CRTC1: variants seen among roughly 807,000 people sequenced by gnomAD.
CRTC1 encodes CREB regulated transcription coactivator 1.
In CRTC1, 18 loss-of-function variants were observed where a neutral mutation model predicts 66.1. The observed-to-expected ratio is 0.27, with a 90% CI of 0.19 to 0.40. CRTC1 has a LOEUF of 0.40. Among genes scored for constraint, CRTC1 ranks in the 10% least tolerant of loss-of-function variants. CRTC1 has a pLI of 1.00. For missense variants in CRTC1, 669 were observed against 887.9 expected (o/e 0.75, Z 3.13); for synonymous variants, 416 against 398.8 (o/e 1.04, Z -0.51).
chr19:18,685,687 A>T (rs1308538006), intron 1 of CRTC1, among the ~76,000 whole-genome samples: 1 of 152,116 alleles, frequency 6.6e-6, no homozygotes, highest in Non-Finnish European at 1.5e-5. Flanking sequence ...AAAGTGTGCA[A>T]CTTGAGCATC....
chr19:18,744,164 G>GC, intron 2 of CRTC1: 1 of 1,610,852 alleles, frequency 6.2e-7, no homozygotes, highest in Non-Finnish European at 8.5e-7. Flanking sequence ...TGGTAAATGA[G>GC]CCCCCAGGCT....
In CRTC1 at chr19:18,768,760, T is replaced by C; in HGVS notation, c.1287T>C (p.Pro429=). ...SSLPQSPPEN[P]GQPSMGIDIA... ...TCCCCCAGTCCCCCCCAGAGAACCC[T>C]GGCCAGCCATCGATGGGGATCGACA... Residue 429 remains proline (P), a synonymous_variant, in exon 10 of 14, where the codon CCT becomes CCC. Coordinates refer to ENST00000321949, the MANE Select transcript of CRTC1 (RefSeq NM_015321.3). This position sits in a 1 kb window ranked among gnomAD's most constrained non-coding sequence, Gnocchi z 5.6. 1.2e-6 allele frequency: 2 copies of C among 1,602,480 alleles called. No individual in the cohort carries two copies. The highest frequency in any genetic ancestry group is 1.8e-4 in the Middle Eastern group (1 of 5,602).
At chr19:18,727,511 G>T (rs1468457066) in intron 1 of CRTC1, among the ~76,000 whole-genome samples, 2 of 135,794 alleles carry the variant, frequency 1.5e-5, no homozygotes, top group African/African-American at 5.6e-5. Flanking sequence ...AACCTGGGAG[G>T]TGGAGGTTGC....
rs1367653544 is a variant in CRTC1 at position 18,768,665 on chromosome 19, C to T, written c.1192C>T (p.Leu398=). 1.9e-6 allele frequency: 3 copies of T among 1,550,802 alleles called. No homozygotes were observed. Among genetic ancestry groups the T allele is most frequent in the South Asian group, 2.4e-5 (2 of 84,172 alleles). The change falls in exon 10 of 14, where the codon CTG becomes TTG. Residue 398 remains leucine, a synonymous_variant. Transcript: ENST00000321949. This position sits in a 1 kb window ranked among gnomAD's most constrained non-coding sequence, Gnocchi z 5.6. ...APVRLPPGGP[L]LPSASLTRGP... is the part of the protein sequence containing the mutation. Reference sequence around the variant, plus strand: ...CGTCCGCCTGCCCCCTGGTGGCCCCCTGTTGCCCAGCGCCAGCCTGACTCG... The same window carrying T: ...CGTCCGCCTGCCCCCTGGTGGCCCCTTGTTGCCCAGCGCCAGCCTGACTCG...
intron 1 of CRTC1, among the ~76,000 whole-genome samples, chr19:18,685,068 C>T (rs1441578647): frequency 6.6e-6 from 1 of 152,154 alleles, no homozygotes; most frequent in African/African-American, 2.4e-5. Context: ...CCAGATTCAG[C>T]CACTGATGTG....
intron 1 of CRTC1, among the ~76,000 whole-genome samples, chr19:18,719,677 GT>G (rs2053579684): frequency 1.3e-5 from 2 of 152,186 alleles, no homozygotes; most frequent in Non-Finnish European, 2.9e-5. Flanking sequence ...GGCAGATGCC[GT>G]TTTCAAAAAT....
chr19:18,781,573 GAGGTGGAGTAAGTTGTACCCCC>G lies in CRTC1; in HGVS notation c.*4195_*4216del, dbSNP rs1281791938. 4.3e-6 allele frequency: 1 copy of G among 229,970 alleles called. No homozygotes were observed. Among genetic ancestry groups the G allele is most frequent in the Non-Finnish European group, 8.6e-6 (1 of 116,030 alleles). 14.2% of individuals were successfully genotyped at this position (229,970 alleles called of 1,614,324 possible). A position where few individuals can be genotyped will look rare whatever the true frequency, so the allele number is the denominator to read the frequency against. ...GACACCATTCTCCCCCTGGGAGCAG[GAGGTGGAGTAAGTTGTACCCCC>G]AGGCCTGGGTGCTGGGGAGTTCCTG... On this transcript the variant is annotated 3_prime_UTR_variant, in exon 14 of 14. Coordinates refer to ENST00000321949, the MANE Select transcript of CRTC1 (RefSeq NM_015321.3).
chr19:18,760,149 C>T lies in CRTC1; in HGVS notation c.807C>T (p.Phe269=). 6.2e-7 allele frequency: 1 copy of T among 1,613,898 alleles called. No individual in the cohort carries two copies. The highest frequency in any genetic ancestry group is 8.5e-7 in the Non-Finnish European group (1 of 1,179,882). Residue 269 remains phenylalanine (F), a synonymous_variant, in exon 8 of 14, where the codon TTC becomes TTT. Transcript: ENST00000321949. This position sits in a 1 kb window ranked among gnomAD's most constrained non-coding sequence, Gnocchi z 6.2. ...PTPLDPEEPT[F]PALSSSSSTG... The stretch of plus-strand genomic sequence containing the variant: ...CGCTGGACCCCGAGGAGCCCACCTT[C>T]CCTGCACTGAGCAGCTCCAGCAGCA...
intron 1 of CRTC1, among the ~76,000 whole-genome samples, chr19:18,701,138 C>T (rs909261457): frequency 1.3e-5 from 2 of 152,238 alleles, no homozygotes; most frequent in Non-Finnish European, 2.9e-5. Flanking sequence ...CCTTCACTGC[C>T]GGCTCAGCCG....
chr19:18,696,345 C>T (rs935375450), intron 1 of CRTC1, among the ~76,000 whole-genome samples: 1 of 152,170 alleles, frequency 6.6e-6, no homozygotes, highest in African/African-American at 2.4e-5. Context: ...GAGCCAGGCC[C>T]TGCCATGTGG....
Position 18,775,830 on chromosome 19 carries a change from A to C in CRTC1, c.1693+9A>C. 1 of 1,570,192 alleles carries C rather than the reference A, an allele frequency of 6.4e-7. No individual in the cohort carries two copies. Among genetic ancestry groups the C allele is most frequent in the African/African-American group, 1.4e-5 (1 of 73,284 alleles). On this transcript the variant is annotated intron_variant, in intron 13 of 13. Transcript: ENST00000321949. ...CAACATCATCCTCACAGGTGAGGCC[A>C]GGCCGGGGGCGCGTGTGCGGCGCCC... is the stretch of plus-strand genomic sequence containing the variant.
intron 1 of CRTC1, among the ~76,000 whole-genome samples, chr19:18,729,163 C>G (rs3019736): frequency 2.7e-5 from 4 of 146,746 alleles, no homozygotes; most frequent in African/African-American, 9.9e-5. Flanking sequence ...CGGTGGCTCA[C>G]GCCTGTAATC....
intron 8 of CRTC1, among the ~76,000 whole-genome samples, chr19:18,761,008 C>A (rs780274272): frequency 3.3e-5 from 5 of 152,122 alleles, no homozygotes; most frequent in Non-Finnish European, 7.4e-5. Context: ...TCAGTGAAAG[C>A]CTGAGGCCTC....
chr19:18,726,929 GAAAAAAAAAAAA>G (rs57708407), intron 1 of CRTC1, among the ~76,000 whole-genome samples: 6 of 111,906 alleles, frequency 5.4e-5, no homozygotes, highest in East Asian at 5.6e-4. Flanking sequence ...CCGTCTTGGG[GAAAAAAAAAAAA>G]AAAAAAAAAA....
At chr19:18,745,395 G>A (rs1369569705) in intron 2 of CRTC1, among the ~76,000 whole-genome samples, 1 of 152,200 alleles carries the variant, frequency 6.6e-6, no homozygotes, top group Non-Finnish European at 1.5e-5. Flanking sequence ...CTCTTGGCAG[G>A]CCCCTCCAGG....
intron 1 of CRTC1, among the ~76,000 whole-genome samples, chr19:18,705,486 C>T (rs1272369066): frequency 6.6e-6 from 1 of 152,016 alleles, no homozygotes; most frequent in Non-Finnish European, 1.5e-5. Context: ...CCTGGCTAAT[C>T]TTTGTGTTTT....
In CRTC1 at chr19:18,765,397, T is replaced by G. The variant is rs2054706189; in HGVS notation, c.887-7T>G. ...CCTGCTCTCCCTCCCTCCTACTTCC[T>G]CTCTAGGAATGAGCACACCTGGCTC... is the stretch of plus-strand genomic sequence containing the variant. On this transcript the variant is annotated splice_region_variant and splice_polypyrimidine_tract_variant and intron_variant, in intron 8 of 13. Coordinates refer to ENST00000321949, the MANE Select transcript of CRTC1 (RefSeq NM_015321.3). 6.2e-7 allele frequency: 1 copy of G among 1,605,884 alleles called. No homozygotes were observed. Among genetic ancestry groups the G allele is most frequent in the Non-Finnish European group, 8.5e-7 (1 of 1,174,832 alleles).
At chr19:18,753,787 C>T (rs956674724) in intron 6 of CRTC1, among the ~76,000 whole-genome samples, 1 of 152,046 alleles carries the variant, frequency 6.6e-6, no homozygotes, top group Non-Finnish European at 1.5e-5. Flanking sequence ...CCTTATCCAA[C>T]AGGCCGGAAC....
At chr19:18,764,220 G>A (rs2054678122) in intron 8 of CRTC1, among the ~76,000 whole-genome samples, 2 of 152,242 alleles carry the variant, frequency 1.3e-5, no homozygotes, top group South Asian at 4.1e-4. Context: ...CCGGAACAAG[G>A]TTAATCTGGT....
Sources: allele counts gnomAD v4.1 joint callset (sites outside exome capture counted in the v4.1 genomes callset), GRCh38; gene constraint gnomAD v4.1.1; non-coding constraint Gnocchi (gnomAD v3.1); transcripts MANE v1.5; gene names NCBI Gene and HGNC (gene_info 2026-07-23, HGNC 2026-07-21).